GRIK2: variants seen among roughly 807,000 people sequenced by gnomAD.
GRIK2 encodes glutamate ionotropic receptor kainate type subunit 2.
Under a neutral mutation model 100.3 loss-of-function variants are expected in GRIK2, and 32 were observed. The observed-to-expected ratio is 0.32, with a 90% CI of 0.24 to 0.43. The LOEUF (loss-of-function observed/expected upper bound fraction) is 0.43. GRIK2 is among the 20% of genes least tolerant of loss of function. The probability of loss-of-function intolerance (pLI) is 1.00; values close to 1 mark genes in which losing one functional copy is unlikely to be tolerated. For missense variants in GRIK2, 843 were observed against 1,114.9 expected (o/e 0.76, Z 3.47); for synonymous variants, 417 against 389.4 (o/e 1.07, Z -0.83).
chr6:101,598,912 ATAATTT>A lies in GRIK2; in HGVS notation c.116-23022_116-23017del, dbSNP rs1056106947. On this transcript the variant is annotated intron_variant, in intron 2 of 16. Transcript: ENST00000369134. The stretch of plus-strand genomic sequence containing the variant: ...CAACATTAAATTGTACAATTTAAAA[ATAATTT>A]TAATTTTAATTTTAGATTCATGAGT... Among the ~76,000 whole-genome samples the A allele has an allele frequency of 2.9e-4, 44 of 151,676 alleles. 1 individual carries two copies. Among genetic ancestry groups the A allele is most frequent in the Admixed American group, 5.3e-4 (8 of 15,144 alleles).
At chr6:101,770,293 T>G (rs1339927913) in intron 7 of GRIK2, among the ~76,000 whole-genome samples, 1 of 152,182 alleles carries the variant, frequency 6.6e-6, no homozygotes, top group Non-Finnish European at 1.5e-5. Flanking sequence ...GGTTTTCCTC[T>G]GAGTCCTTGC....
intron 14 of GRIK2, among the ~76,000 whole-genome samples, chr6:101,951,237 A>T (rs1791586114): frequency 6.6e-6 from 1 of 152,222 alleles, no homozygotes; most frequent in African/African-American, 2.4e-5. Context: ...ATAACCCATG[A>T]AGTGTGAAGA....
At chr6:101,587,851 A>G (rs1186595352) in intron 2 of GRIK2, among the ~76,000 whole-genome samples, 2 of 152,038 alleles carry the variant, frequency 1.3e-5, no homozygotes, top group Non-Finnish European at 2.9e-5. Flanking sequence ...ATGCACAGAC[A>G]CTCTCTGAAC....
At chr6:101,787,561 T>C (rs1229872829) in intron 7 of GRIK2, among the ~76,000 whole-genome samples, 1 of 152,190 alleles carries the variant, frequency 6.6e-6, no homozygotes, top group Non-Finnish European at 1.5e-5. Flanking sequence ...CATGACCTAA[T>C]GGTCATTCAA....
At chr6:101,755,289 C>T (rs1195524600) in intron 7 of GRIK2, among the ~76,000 whole-genome samples, 1 of 151,370 alleles carries the variant, frequency 6.6e-6, no homozygotes, top group African/African-American at 2.4e-5. Context: ...GCATCAGCCT[C>T]CCGAGTGGCT....
chr6:101,693,962 C>T (rs1432644808), intron 7 of GRIK2, among the ~76,000 whole-genome samples: 5 of 151,972 alleles, frequency 3.3e-5, no homozygotes, highest in Non-Finnish European at 7.4e-5. Flanking sequence ...GGAAGTCTAG[C>T]TAGACAGAAA....
At chr6:101,512,715 A>G (rs1041635069) in intron 2 of GRIK2, among the ~76,000 whole-genome samples, 1 of 152,014 alleles carries the variant, frequency 6.6e-6, no homozygotes, top group African/African-American at 2.4e-5. Flanking sequence ...GCCATAAAAT[A>G]ATCAGCAAAG....
chr6:101,743,671 T>G (rs11968414), intron 7 of GRIK2, among the ~76,000 whole-genome samples: 6,035 of 152,190 alleles, frequency 0.04, 216 homozygotes, highest in East Asian at 0.12. Flanking sequence ...ACATCAACCC[T>G]CAATTTCATT....
chr6:101,487,745 G>A (rs1184776478), intron 2 of GRIK2, among the ~76,000 whole-genome samples: 1 of 146,170 alleles, frequency 6.8e-6, no homozygotes, highest in Non-Finnish European at 1.5e-5. Flanking sequence ...AGTAATTATA[G>A]CTTTTTTGTT....
At chr6:101,495,703 T>A (rs1369888465) in intron 2 of GRIK2, among the ~76,000 whole-genome samples, 9 of 152,158 alleles carry the variant, frequency 5.9e-5, no homozygotes. Context: ...AGGCTTCTGA[T>A]TCATGTCAAG....
In GRIK2 at chr6:101,775,022, ATAATACTGTT is replaced by A. The variant is rs1370055602; in HGVS notation, c.952-24623_952-24614del. On this transcript the variant is annotated intron_variant, in intron 7 of 16. Coordinates refer to ENST00000369134, the MANE Select transcript of GRIK2 (RefSeq NM_021956.5). Reference sequence around the variant, plus strand: ...TGAAGCTTTAAAATCTTACAGGGAAATAATACTGTTTATAAAATTATCTTGTTAAAGAAAA... The same window carrying A: ...TGAAGCTTTAAAATCTTACAGGGAAATATAAAATTATCTTGTTAAAGAAAA... Among the ~76,000 whole-genome samples, 3 of 152,298 alleles carry A rather than the reference ATAATACTGTT, an allele frequency of 2.0e-5. No individual in the cohort carries two copies. In the East Asian group the frequency reaches 5.8e-4, roughly 29 times the overall value.
intron 2 of GRIK2, among the ~76,000 whole-genome samples, chr6:101,501,399 TTATAG>T (rs754267548): frequency 6.6e-6 from 1 of 152,210 alleles, no homozygotes; most frequent in Non-Finnish European, 1.5e-5. Context: ...TTTGAAATCA[TTATAG>T]TAAACATTTT....
intron 2 of GRIK2, among the ~76,000 whole-genome samples, chr6:101,546,150 G>A (rs556092535): frequency 2.7e-4 from 41 of 152,102 alleles, no homozygotes; most frequent in African/African-American, 9.6e-4. Context: ...CTACTCTATA[G>A]GCAAGAGTGA....
At chr6:101,806,660 A>T (rs1781027887) in intron 9 of GRIK2, among the ~76,000 whole-genome samples, 1 of 151,364 alleles carries the variant, frequency 6.6e-6, no homozygotes, top group South Asian at 2.1e-4. Context: ...CAAGAAAACA[A>T]AGTTTTCTTA....
At chr6:101,932,573 T>G (rs1790357962) in intron 14 of GRIK2, among the ~76,000 whole-genome samples, 1 of 151,714 alleles carries the variant, frequency 6.6e-6, no homozygotes, top group East Asian at 1.9e-4. Context: ...TCTTTTACAT[T>G]CTTTGAAGTT....
chr6:101,553,712 TG>T (rs1487275379), intron 2 of GRIK2, among the ~76,000 whole-genome samples: 3 of 152,214 alleles, frequency 2.0e-5, no homozygotes, highest in African/African-American at 4.8e-5. Flanking sequence ...TGAAAGGCAG[TG>T]GGGCAAAGAT....
At chr6:101,697,931 T>C (rs1772613144) in intron 7 of GRIK2, among the ~76,000 whole-genome samples, 1 of 152,128 alleles carries the variant, frequency 6.6e-6, no homozygotes, top group Middle Eastern at 3.2e-3. Context: ...TGTTTCAAGA[T>C]AAATGCCCTT....
intron 3 of GRIK2, among the ~76,000 whole-genome samples, chr6:101,622,329 ATC>A (rs1780204692): frequency 1.3e-5 from 2 of 152,152 alleles, no homozygotes; most frequent in Admixed American, 6.6e-5. Flanking sequence ...ATACAATTAC[ATC>A]TGTTAGTGAA....
Position 101,399,115 on chromosome 6 carries a change from G to A in GRIK2, c.-163G>A. On this transcript the variant is annotated 5_prime_UTR_variant, in exon 2 of 17. Transcript: ENST00000369134. ...GCGCAGTGAGTGAAGAACATGCAGC[G>A]ATTGCTAATGGGTTTGGGAAGCGGA... 1 of 565,416 alleles carries A rather than the reference G, an allele frequency of 1.8e-6. No individual in the cohort carries two copies. Among genetic ancestry groups the A allele is most frequent in the Admixed American group, 3.1e-5 (1 of 31,966 alleles). The allele number at this position is 565,416 out of a possible 1,614,324, so 35.0% of individuals were successfully genotyped here.
Sources: gnomAD v4.1 joint callset for allele counts (sites outside exome capture counted in the v4.1 genomes callset) on GRCh38, gnomAD v4.1.1 for gene constraint, MANE v1.5 for transcripts, NCBI Gene and HGNC (gene_info 2026-07-23, HGNC 2026-07-21) for gene names.